SUN5: variants seen among roughly 807,000 people sequenced by gnomAD.
SUN5 encodes the protein Sad1 and UNC84 domain containing 5.
Under a neutral mutation model 53.7 loss-of-function variants are expected in SUN5, and 44 were observed. That is an observed-to-expected ratio of 0.82 (90% CI 0.64 to 1.05). The LOEUF is 1.05. SUN5 is among the 50% of genes least tolerant of loss of function. SUN5 has a pLI of 0.00. For missense variants in SUN5, 433 were observed against 483.8 expected (o/e 0.90, Z 0.98); for synonymous variants, 166 against 179.8 (o/e 0.92, Z 0.62).
intron 3 of SUN5, among the ~76,000 whole-genome samples, 176 bp from the exon 4 acceptor site, chr20:33,001,454 T>A (rs1205728571): frequency 6.6e-6 from 1 of 151,662 alleles, no homozygotes; most frequent in Non-Finnish European, 1.5e-5. Flanking sequence ...TAGCCTGGAG[T>A]GAGTACAGGT....
chr20:32,994,156 G>A (rs1026806351), intron 8 of SUN5, among the ~76,000 whole-genome samples: 1 of 152,212 alleles, frequency 6.6e-6, no homozygotes, highest in African/African-American at 2.4e-5. Context: ...AAAGAGTTAA[G>A]CTTAAAACCT....
chr20:33,002,257 G>T (rs924035310), intron 3 of SUN5, among the ~76,000 whole-genome samples: 7 of 152,188 alleles, frequency 4.6e-5, no homozygotes, highest in African/African-American at 1.7e-4. Flanking sequence ...CTGGGTGGAT[G>T]TACCTATGAA....
rs766279451 is a variant in SUN5, at chr20:33,002,654, G to A, written c.144C>T (p.Asn48=). 13 of 1,614,130 alleles carry A rather than the reference G, an allele frequency of 8.1e-6. No homozygotes were observed. The highest frequency in any genetic ancestry group is 3.3e-5 in the South Asian group (3 of 91,082). Residue 48 remains asparagine (N), a synonymous_variant, in exon 3 of 13, where the codon AAC becomes AAT. Coordinates refer to ENST00000356173, the MANE Select transcript of SUN5 (RefSeq NM_080675.4). ...CATTGTTGCGGACAGGCAACAGGAT[G>A]TTGTCATCTGCAGAGAGCACAGGAC... is the stretch of plus-strand genomic sequence containing the variant. ...AEDTSPNMND[N]ILLPVRNNDQ...
chr20:32,995,787 C>T, intron 7 of SUN5, 60 bp from the exon 8 acceptor site: 2 of 1,494,868 alleles, frequency 1.3e-6, no homozygotes, highest in Non-Finnish European at 1.9e-6. Flanking sequence ...TTGTTACCCT[C>T]AGATTTTCCC....
chr20:32,997,621 G>T lies in SUN5; in HGVS notation c.390+17C>A. The T allele has an allele frequency of 6.2e-7, 1 of 1,613,836 alleles. No individual in the cohort carries two copies. The highest frequency in any genetic ancestry group is 1.3e-5 in the African/African-American group (1 of 75,004). On this transcript the variant is annotated intron_variant, in intron 6 of 12. Transcript: ENST00000356173. ...GAGACCTGTCAGCTGTGGGGCCTGA[G>T]GAGGGTGCACACTCACCTGCCAGAC...
rs748123088 is a variant in SUN5, at chr20:32,983,822, T to C, written c.1112A>G (p.His371Arg). ...GSVAPPREQPHQNPYPKRD is the reference protein window; with the variant it reads ...GSVAPPREQPRQNPYPKRD ...ATCTCTCTTAGGGTAGGGGTTCTGG[T>C]GAGGCTGCTCTCTGGGCGGGGCCAC... Residue 371 changes from histidine to arginine, a missense_variant, in exon 13 of 13, where the codon CAC (histidine) becomes CGC (arginine). By Grantham distance (29) the His-to-Arg change is conservative. Coordinates refer to ENST00000356173, the MANE Select transcript of SUN5 (RefSeq NM_080675.4). 6.4e-7 allele frequency: 1 copy of C among 1,569,610 alleles called. No individual in the cohort carries two copies. Among genetic ancestry groups the C allele is most frequent in the Non-Finnish European group, 8.6e-7 (1 of 1,156,836 alleles).
rs1388804965 is a variant in SUN5 at position 32,987,759 on chromosome 20, A to G, written c.630T>C (p.Phe210=). The change falls in exon 10 of 13, where the codon TTT becomes TTC. Residue 210 remains phenylalanine, a synonymous_variant. Coordinates refer to ENST00000356173, the MANE Select transcript of SUN5 (RefSeq NM_080675.4). ...GGTTATAGGTGACTGACGTGTGCTC[A>G]AAGTCAATGCTGGCCCCTGTATAGG... is the stretch of plus-strand genomic sequence containing the variant. The part of the protein sequence containing the change: ...ALKSIGASID[F]EHTSVTYNHE... 6.2e-7 allele frequency: 1 copy of G among 1,612,770 alleles called. No individual in the cohort carries two copies. The highest frequency in any genetic ancestry group is 8.5e-7 in the Non-Finnish European group (1 of 1,179,582).
intron 5 of SUN5, among the ~76,000 whole-genome samples, chr20:32,998,355 A>C (rs1989908587): frequency 6.6e-6 from 1 of 152,010 alleles, no homozygotes; most frequent in African/African-American, 2.4e-5. Context: ...TCTAAAAAAC[A>C]AACAGCTTTT....
intron 3 of SUN5, among the ~76,000 whole-genome samples, chr20:33,001,553 TCTTTCTTTCTTTTCTTCCTTCCTTC>T (rs1990024231): frequency 7.2e-6 from 1 of 139,708 alleles, no homozygotes; most frequent in African/African-American, 3.2e-5. Flanking sequence ...TTTCTTTCTT[TCTTTCTTTCTTTTCTTCCTTCCTTC>T]CTTTCTTTCT....
In SUN5 at chr20:32,996,349, T is replaced by C; in HGVS notation, c.400A>G (p.Ile134Val). 6.2e-7 allele frequency: 1 copy of C among 1,613,426 alleles called. No individual in the cohort carries two copies. Among genetic ancestry groups the C allele is most frequent in the Non-Finnish European group, 8.5e-7 (1 of 1,179,510 alleles). The part of the protein sequence containing the change: ...SKMKVWQDDS[I>V]NGPLQSLRLY... Reference sequence around the variant, plus strand: ...CTCAAGCTCTGCAGTGGACCATTTATGCTGTCATCCTGGTGGAGTATTGAG... The same window carrying C: ...CTCAAGCTCTGCAGTGGACCATTTACGCTGTCATCCTGGTGGAGTATTGAG... Residue 134 changes from isoleucine (I) to valine (V), a missense_variant, in exon 7 of 13, where the codon ATA becomes GTA. Coordinates refer to ENST00000356173, the MANE Select transcript of SUN5 (RefSeq NM_080675.4).
intron 10 of SUN5, among the ~76,000 whole-genome samples, chr20:32,987,049 G>T (rs1054535151): frequency 3.3e-5 from 5 of 152,202 alleles, no homozygotes; most frequent in African/African-American, 1.2e-4. Flanking sequence ...CATCACCCAG[G>T]GTGTGCCACT....
In SUN5 at chr20:33,004,205, A is replaced by T. The variant is rs993149812; in HGVS notation, c.77+59T>A. 3.8e-5 allele frequency: 56 copies of T among 1,486,134 alleles called. No homozygotes were observed. In the Admixed American group the frequency reaches 5.2e-4, roughly 14 times the overall value. The allele number at this position is 1,486,134 out of a possible 1,614,324, so 92.1% of individuals were successfully genotyped here. A position where few individuals can be genotyped will look rare whatever the true frequency, so the allele number is the denominator to read the frequency against. On this transcript the variant is annotated intron_variant, in intron 1 of 12. Coordinates refer to ENST00000356173, the MANE Select transcript of SUN5 (RefSeq NM_080675.4). ...CCACTCATCTCCAAGGACAGGGTGG[A>T]GGGGCAGCATTTTGTAAACTGTAAA...
chr20:33,004,362 G>A lies in SUN5; in HGVS notation c.-22C>T, dbSNP rs1568972881. On this transcript the variant is annotated 5_prime_UTR_variant, in exon 1 of 13. Transcript: ENST00000356173. ...GCATCGATTTCCTTCTTTAGGATTG[G>A]GGATGGAGATGGGAACTCTGGGAGC... is the stretch of plus-strand genomic sequence containing the variant. 1.9e-6 allele frequency: 3 copies of A among 1,544,702 alleles called. No homozygotes were observed. Among genetic ancestry groups the A allele is most frequent in the East Asian group, 2.4e-5 (1 of 40,912 alleles).
chr20:33,002,262 T>C (rs1568971601), intron 3 of SUN5, among the ~76,000 whole-genome samples: 1 of 152,110 alleles, frequency 6.6e-6, no homozygotes, highest in Non-Finnish European at 1.5e-5. Context: ...TGGATGTACC[T>C]ATGAAATAAG....
At chr20:32,997,753 T>C (rs1477233833) in intron 5 of SUN5, 66 bp from the exon 6 acceptor site, 2 of 1,579,976 alleles carry the variant, frequency 1.3e-6, no homozygotes, top group Non-Finnish European at 1.7e-6. Context: ...GGTGCTGGAG[T>C]TAGGACATCT....
At chr20:32,989,726 C>A (rs778784187) in intron 8 of SUN5, 28 bp from the exon 9 acceptor site, 1 of 1,600,028 alleles carries the variant, frequency 6.2e-7, no homozygotes, top group Non-Finnish European at 8.6e-7. Context: ...ACAAGTTGTG[C>A]CCTGGTGTGT....
At chr20:32,989,403 C>T (rs553986469) in intron 9 of SUN5, among the ~76,000 whole-genome samples, 21 of 151,660 alleles carry the variant, frequency 1.4e-4, no homozygotes, top group African/African-American at 4.6e-4. Flanking sequence ...TGTGGATTCC[C>T]GTGTTCCCTC....
At chr20:32,984,867 G>A (rs1190454467) in intron 12 of SUN5, among the ~76,000 whole-genome samples, 1 of 152,230 alleles carries the variant, frequency 6.6e-6, no homozygotes, top group African/African-American at 2.4e-5. Context: ...GGGCTCCTGG[G>A]CTCATCAGGA....
rs1163136822 is a variant in SUN5 at position 32,993,856 on chromosome 20, A to ACGTGGGC, written c.534+1756_534+1762dup. Among the ~76,000 whole-genome samples, 23 of 152,364 alleles carry ACGTGGGC rather than the reference A, an allele frequency of 1.5e-4. No homozygotes were observed. In the East Asian group the frequency reaches 3.7e-3, roughly 24 times the overall value. ...CCCAGGTGATACTGATGATGCAGGC[A>ACGTGGGC]CGTGGGCCGTGGGCCGTACTTTGAG... On this transcript the variant is annotated intron_variant, in intron 8 of 12. Coordinates refer to ENST00000356173, the MANE Select transcript of SUN5 (RefSeq NM_080675.4).
Sources: allele counts gnomAD v4.1 joint callset (sites outside exome capture counted in the v4.1 genomes callset), GRCh38; gene constraint gnomAD v4.1.1; transcripts MANE v1.5; gene names NCBI Gene and HGNC (gene_info 2026-07-23, HGNC 2026-07-21).